The following RNF220 variants were observed in gnomAD, a reference collection of about 807,000 sequenced individuals.
RNF220 encodes E3 ubiquitin-protein ligase RNF220.
Under a neutral mutation model 67.1 loss-of-function variants are expected in RNF220, and 7 were observed. The observed-to-expected ratio is 0.10, with a 90% confidence interval of 0.06 to 0.20. The LOEUF (loss-of-function observed/expected upper bound fraction) is 0.20. RNF220 is among the 10% of genes least tolerant of loss of function. RNF220 has a pLI of 1.00. For synonymous variants in RNF220, 270 were observed against 283.2 expected (o/e 0.95, Z 0.47); for missense variants, 565 against 740.3 (o/e 0.76, Z 2.75).
intron 2 of RNF220, among the ~76,000 whole-genome samples, chr1:44,584,503 C>A (rs1177439500): frequency 2.0e-5 from 3 of 152,152 alleles, no homozygotes; most frequent in African/African-American, 7.2e-5. Flanking sequence ...TCAGGAAAGC[C>A]TAGCTGGCTC....
intron 8 of RNF220, among the ~76,000 whole-genome samples, chr1:44,640,413 T>C (rs1644453480): frequency 6.6e-6 from 1 of 151,870 alleles, no homozygotes; most frequent in South Asian, 2.1e-4. Context: ...TTGGGAGGGG[T>C]GAGGAGAGGT....
intron 2 of RNF220, among the ~76,000 whole-genome samples, chr1:44,510,421 A>G (rs772983297): frequency 6.6e-6 from 1 of 152,142 alleles, no homozygotes; most frequent in Non-Finnish European, 1.5e-5. Context: ...TTTCATGCTC[A>G]GTTAAGGACA....
intron 2 of RNF220, among the ~76,000 whole-genome samples, chr1:44,588,656 T>C (rs952804595): frequency 2.6e-5 from 4 of 152,158 alleles, no homozygotes; most frequent in African/African-American, 9.7e-5. Flanking sequence ...CTGGGCCCAT[T>C]AAGAGCACAG....
At chr1:44,564,313 T>C (rs1261957723) in intron 2 of RNF220, among the ~76,000 whole-genome samples, 1 of 152,212 alleles carries the variant, frequency 6.6e-6, no homozygotes, top group East Asian at 1.9e-4. Context: ...GGGCTGAACG[T>C]TGGACTCCCC....
At chr1:44,604,437 G>A (rs891113139) in intron 2 of RNF220, among the ~76,000 whole-genome samples, 2 of 152,264 alleles carry the variant, frequency 1.3e-5, no homozygotes, top group Non-Finnish European at 2.9e-5. Context: ...AGAGGACAGA[G>A]GCTGTAGTTA....
chr1:44,513,604 T>C (rs1659212711), intron 2 of RNF220, among the ~76,000 whole-genome samples: 1 of 152,186 alleles, frequency 6.6e-6, no homozygotes, highest in South Asian at 2.1e-4. Context: ...GATGGGAACC[T>C]AATGGCAGTA....
intron 2 of RNF220, among the ~76,000 whole-genome samples, chr1:44,552,795 T>A (rs562938787): frequency 4.2e-4 from 64 of 152,002 alleles, no homozygotes; most frequent in African/African-American, 1.5e-3. Context: ...GGCCTCGATC[T>A]CTTGACCTCG....
chr1:44,443,685 AT>A (rs754934580), intron 2 of RNF220, among the ~76,000 whole-genome samples: 2 of 152,128 alleles, frequency 1.3e-5, no homozygotes, highest in Admixed American at 6.5e-5. Context: ...CCCCAAGTAC[AT>A]TTTTTTCTTT....
chr1:44,600,247 G>C lies in RNF220; in HGVS notation c.626-13918G>C, dbSNP rs1230759623. Among the ~76,000 whole-genome samples the C allele has an allele frequency of 1.3e-5, 2 of 152,192 alleles. No individual in the cohort carries two copies. The highest frequency in any genetic ancestry group is 4.8e-5 in the African/African-American group (2 of 41,436). On this transcript the variant is annotated intron_variant, in intron 2 of 14. Coordinates refer to ENST00000361799, the MANE Select transcript of RNF220 (RefSeq NM_018150.4). The surrounding 1 kb of genome is among the most constrained non-coding windows in gnomAD (Gnocchi z 4.0). ...AAAGAGCCTATGGGACATCCAAGCA[G>C]AGCATCTTCTACGCAGTGTTGTACG...
At chr1:44,471,370 G>A (rs1465898871) in intron 2 of RNF220, among the ~76,000 whole-genome samples, 1 of 152,158 alleles carries the variant, frequency 6.6e-6, no homozygotes, top group Non-Finnish European at 1.5e-5. Context: ...AGGTTGTAGT[G>A]AGCCAAGATC....
intron 1 of RNF220, among the ~76,000 whole-genome samples, chr1:44,407,195 A>G (rs1246655226): frequency 6.6e-6 from 1 of 151,904 alleles, no homozygotes; most frequent in Non-Finnish European, 1.5e-5. Context: ...GGGGGAGAGC[A>G]CCGCACTCGC....
At position 44,635,945 on chromosome 1, in the gene RNF220, G is replaced by T. The variant is rs960309506; in HGVS notation, c.994-85G>T. The T allele has an allele frequency of 8.8e-6, 14 of 1,599,158 alleles. No individual in the cohort carries two copies. In the East Asian group the frequency reaches 2.5e-4, roughly 28 times the overall value. ...GGCCCACTTGGCACACCACAGCTGG[G>T]GCTAGAGCTGTGCCTTCGTTGCAGA... On this transcript the variant is annotated intron_variant, in intron 7 of 14. Coordinates refer to ENST00000361799, the MANE Select transcript of RNF220 (RefSeq NM_018150.4).
chr1:44,483,252 C>A (rs1444780690), intron 2 of RNF220, among the ~76,000 whole-genome samples: 1 of 152,074 alleles, frequency 6.6e-6, no homozygotes, highest in African/African-American at 2.4e-5. Context: ...TTAATACACA[C>A]CTTTTAAAAG....
In RNF220 at chr1:44,622,865, G is replaced by A; in HGVS notation, c.804+78G>A. Reference sequence around the variant, plus strand: ...CAGAACTGGTTCCTCCTGAGAAAAAGGAGCTTTTCTAGTATCCTCAACTAT... The same window carrying A: ...CAGAACTGGTTCCTCCTGAGAAAAAAGAGCTTTTCTAGTATCCTCAACTAT... On this transcript the variant is annotated intron_variant, in intron 4 of 14. Transcript: ENST00000361799. The surrounding 1 kb of genome is among the most constrained non-coding windows in gnomAD (Gnocchi z 4.3). 1.6e-6 allele frequency: 2 copies of A among 1,260,928 alleles called. No homozygotes were observed. The highest frequency in any genetic ancestry group is 2.3e-6 in the Non-Finnish European group (2 of 865,352). The allele number at this position is 1,260,928 out of a possible 1,614,324, so 78.1% of individuals were successfully genotyped here.
chr1:44,484,840 C>A (rs1471472717), intron 2 of RNF220, among the ~76,000 whole-genome samples: 1 of 152,196 alleles, frequency 6.6e-6, no homozygotes, highest in Non-Finnish European at 1.5e-5. Flanking sequence ...CTTGGGAGAA[C>A]TAAGAAAATA....
chr1:44,426,816 C>A (rs1234098333), intron 2 of RNF220, among the ~76,000 whole-genome samples: 1 of 152,046 alleles, frequency 6.6e-6, no homozygotes, highest in Non-Finnish European at 1.5e-5. Flanking sequence ...CAGTAACAAG[C>A]AGATTCATTA....
intron 2 of RNF220, among the ~76,000 whole-genome samples, chr1:44,522,768 G>A (rs1053802522): frequency 6.6e-6 from 1 of 152,204 alleles, no homozygotes; most frequent in Non-Finnish European, 1.5e-5. Context: ...CTCGATCTTA[G>A]TTTATAATTT....
At chr1:44,489,935 G>A (rs979354781) in intron 2 of RNF220, among the ~76,000 whole-genome samples, 1 of 152,158 alleles carries the variant, frequency 6.6e-6, no homozygotes, top group African/African-American at 2.4e-5. Flanking sequence ...TGCCTAGCTG[G>A]TGTGTTACTA....
At chr1:44,559,097 G>A (rs1663351743) in intron 2 of RNF220, among the ~76,000 whole-genome samples, 1 of 152,224 alleles carries the variant, frequency 6.6e-6, no homozygotes, top group Admixed American at 6.5e-5. Flanking sequence ...CATAGTAAGT[G>A]CTCATTAAAC....
Sources: gnomAD v4.1 joint callset for allele counts (sites outside exome capture counted in the v4.1 genomes callset) on GRCh38, gnomAD v4.1.1 for gene constraint, Gnocchi (gnomAD v3.1) non-coding constraint, MANE v1.5 for transcripts, NCBI Gene and HGNC (gene_info 2026-07-23, HGNC 2026-07-21) for gene names.